The following CALCR variants were observed in gnomAD, a reference collection of about 807,000 sequenced individuals.
The protein encoded by CALCR is calcitonin receptor.
CALCR carries 47 observed loss-of-function variants against 59.5 expected under a neutral mutation model. That is an observed-to-expected ratio of 0.79 (90% CI 0.63 to 1.01). The LOEUF is 1.01. Ranked by LOEUF, CALCR falls within the 50% of genes least tolerant of loss-of-function variation. The pLI is 0.00. For missense variants in CALCR, 566 were observed against 597.1 expected (o/e 0.95, Z 0.54); for synonymous variants, 213 against 211.3 (o/e 1.01, Z -0.07).
chr7:93,476,966 C>T (rs1273563663), intron 5 of CALCR, among the ~76,000 whole-genome samples: 1 of 151,948 alleles, frequency 6.6e-6, no homozygotes, highest in Non-Finnish European at 1.5e-5. Context: ...CTTCCATTAT[C>T]TCTGCCTTAC....
chr7:93,428,796 A>AG (rs1286740141), intron 13 of CALCR, among the ~76,000 whole-genome samples: 1 of 152,044 alleles, frequency 6.6e-6, no homozygotes, highest in African/African-American at 2.4e-5. Flanking sequence ...CAAAAAAAAA[A>AG]AAAAAAAAAG....
At position 93,449,843 on chromosome 7, in the gene CALCR, A is replaced by C. The variant is rs114778968; in HGVS notation, c.649-6086T>G. Among the ~76,000 whole-genome samples, 1,479 of 152,076 alleles carry C rather than the reference A, an allele frequency of 9.7e-3. 19 individuals carry two copies. Among genetic ancestry groups the C allele is most frequent in the African/African-American group, 0.034 (1,404 of 41,514 alleles). On this transcript the variant is annotated intron_variant, in intron 8 of 13. Coordinates refer to ENST00000426151, the MANE Select transcript of CALCR (RefSeq NM_001742.4). The stretch of plus-strand genomic sequence containing the variant: ...GATGAATTCCTGTGGGGGCATCTTA[A>C]ATTTTTGTCAAGTTTTTCTAGGTTT...
At chr7:93,460,569 AAAAATATATATATATATATATATGTATAT>A (rs1376957184) in intron 8 of CALCR, among the ~76,000 whole-genome samples, 2 of 86,704 alleles carry the variant, frequency 2.3e-5, no homozygotes, top group Non-Finnish European at 4.4e-5. Flanking sequence ...AAAAAAAAAA[AAAAATATATATATATATATATATGTATAT>A]ATATATATAT....
intron 3 of CALCR, 90 bp from the exon 4 acceptor site, chr7:93,479,597 A>G: frequency 4.1e-6 from 5 of 1,223,586 alleles, no homozygotes; most frequent in Non-Finnish European, 5.7e-6. Context: ...GAAAACATTT[A>G]TTTTTGCTCT....
intron 2 of CALCR, among the ~76,000 whole-genome samples, chr7:93,517,304 C>CTTTTTTTTTTTTTCTTTTT (rs753908420): frequency 6.8e-6 from 1 of 147,168 alleles, no homozygotes; most frequent in African/African-American, 2.5e-5. Context: ...GATTTGAGAA[C>CTTTTTTTTTTTTTCTTTTT]TTTTTTTTTT....
intron 2 of CALCR, among the ~76,000 whole-genome samples, chr7:93,489,255 A>G (rs1234862618): frequency 6.6e-6 from 1 of 151,954 alleles, no homozygotes; most frequent in Non-Finnish European, 1.5e-5. Flanking sequence ...TCTGGGACAC[A>G]GTTAAAGCAG....
intron 12 of CALCR, 38 bp downstream of exon 12, chr7:93,435,914 G>A: frequency 8.9e-7 from 1 of 1,122,740 alleles, no homozygotes; most frequent in Non-Finnish European, 1.4e-6. Context: ...AGCTGAATAA[G>A]CACAGTAGTT....
chr7:93,460,438 C>T (rs1313050285), intron 8 of CALCR, among the ~76,000 whole-genome samples: 1 of 150,404 alleles, frequency 6.6e-6, no homozygotes, highest in Non-Finnish European at 1.5e-5. Flanking sequence ...TGCCTGTAAT[C>T]CCAGCTACTC....
intron 2 of CALCR, among the ~76,000 whole-genome samples, chr7:93,502,865 T>C (rs1801348275): frequency 6.6e-6 from 1 of 152,102 alleles, no homozygotes; most frequent in African/African-American, 2.4e-5. Flanking sequence ...TGACATAATC[T>C]GATTTTTGTA....
intron 2 of CALCR, among the ~76,000 whole-genome samples, chr7:93,530,649 G>C (rs969182100): frequency 6.6e-6 from 1 of 152,080 alleles, no homozygotes; most frequent in Non-Finnish European, 1.5e-5. Flanking sequence ...TTTGACTGAG[G>C]AGAGCAGCAT....
chr7:93,488,582 G>GCAAAAGAAAAAAAAAAA (rs770479251), intron 2 of CALCR, among the ~76,000 whole-genome samples: 1 of 78,036 alleles, frequency 1.3e-5, no homozygotes, highest in African/African-American at 5.0e-5. Context: ...CAAATGGAAA[G>GCAAAAGAAAAAAAAAAA]AAAAAAAAAA....
intron 2 of CALCR, among the ~76,000 whole-genome samples, chr7:93,506,588 A>G (rs1801430414): frequency 6.6e-6 from 1 of 152,156 alleles, no homozygotes; most frequent in South Asian, 2.1e-4. Context: ...CACGCTACCA[A>G]ATATCCAGAT....
At chr7:93,446,149 T>C (rs1289576910) in intron 8 of CALCR, among the ~76,000 whole-genome samples, 1 of 152,004 alleles carries the variant, frequency 6.6e-6, no homozygotes, top group African/African-American at 2.4e-5. Context: ...AATTCATGAA[T>C]AAAAATGAGA....
At chr7:93,445,731 T>A (rs1159384223) in intron 8 of CALCR, among the ~76,000 whole-genome samples, 2 of 152,042 alleles carry the variant, frequency 1.3e-5, no homozygotes, top group Non-Finnish European at 2.9e-5. Context: ...CACTGAACTC[T>A]CAACCAATAG....
At chr7:93,428,955 T>C (rs1305180395) in intron 13 of CALCR, among the ~76,000 whole-genome samples, 1 of 152,234 alleles carries the variant, frequency 6.6e-6, no homozygotes, top group Non-Finnish European at 1.5e-5. Flanking sequence ...AAAAGAGGTC[T>C]TTTATTTCTC....
At chr7:93,534,600 C>T (rs1788938403) in intron 2 of CALCR, among the ~76,000 whole-genome samples, 1 of 151,760 alleles carries the variant, frequency 6.6e-6, no homozygotes, top group African/African-American at 2.4e-5. Context: ...AGAGGCCATT[C>T]TTAGGAAGCG....
At chr7:93,458,481 C>G (rs1800252053) in intron 8 of CALCR, among the ~76,000 whole-genome samples, 1 of 152,310 alleles carries the variant, frequency 6.6e-6, no homozygotes, top group Non-Finnish European at 1.5e-5. Context: ...CACTTTCCAT[C>G]CTGCTCCCAC....
chr7:93,561,848 G>A (rs1399444431), intron 2 of CALCR, among the ~76,000 whole-genome samples: 5 of 152,038 alleles, frequency 3.3e-5, no homozygotes, highest in African/African-American at 1.2e-4. Flanking sequence ...ACAGGCCCTG[G>A]GTAAAAATGT....
chr7:93,474,514 T>C (rs1800624159), intron 5 of CALCR, among the ~76,000 whole-genome samples: 2 of 151,756 alleles, frequency 1.3e-5, no homozygotes, highest in African/African-American at 2.4e-5. Context: ...TACAAGATAA[T>C]ATTTAAATTC....
Sources: allele counts gnomAD v4.1 joint callset (sites outside exome capture counted in the v4.1 genomes callset), GRCh38; gene constraint gnomAD v4.1.1; transcripts MANE v1.5; gene names NCBI Gene and HGNC (gene_info 2026-07-23, HGNC 2026-07-21).